ZIM2: variants seen among roughly 807,000 people sequenced by gnomAD.
ZIM2 encodes zinc finger imprinted 2.
In ZIM2, 14 loss-of-function variants were observed where a neutral mutation model predicts 38.6. That is an observed-to-expected ratio of 0.36 (90% CI 0.24 to 0.57). The LOEUF (loss-of-function observed/expected upper bound fraction) is 0.57, where lower values mean the gene tolerates loss of function less well. Among genes scored for constraint, ZIM2 ranks in the 20% least tolerant of loss-of-function variants. ZIM2 has a pLI of 0.81. For synonymous variants in ZIM2, 247 were observed against 245.8 expected (o/e 1.00, Z -0.04); for missense variants, 680 against 695.1 (o/e 0.98, Z 0.24).
rs541212921 is a variant in ZIM2, at chr19:56,797,111, A to G, written c.491-7160T>C. 7.9e-5 allele frequency among the ~76,000 whole-genome samples: 12 copies of G among 152,290 alleles called. No homozygotes were observed. In the East Asian group the frequency reaches 2.3e-3, roughly 29 times the overall value. On this transcript the variant is annotated intron_variant, in intron 9 of 12. Transcript: ENST00000629319. ...CAGATGACCTGAGGTCAAGAGTTTGAGACCAGCCTAATCAACATGGTGAGA... is the reference window on the plus strand; with the variant it reads ...CAGATGACCTGAGGTCAAGAGTTTGGGACCAGCCTAATCAACATGGTGAGA...
Position 56,824,751 on chromosome 19 carries a change from G to C in ZIM2, c.-150-324C>G, listed in dbSNP as rs548648877. On this transcript the variant is annotated intron_variant, in intron 3 of 12. Coordinates refer to ENST00000629319, the MANE Select transcript of ZIM2 (RefSeq NM_001387356.1). The stretch of plus-strand genomic sequence containing the variant: ...GTCAGTACTCAGGGACCTGTGGATC[G>C]TAAGGAGATATACACATGTCCCAGA... 4.2e-6 allele frequency: 5 copies of C among 1,198,554 alleles called. No individual in the cohort carries two copies. The Admixed American group carries it at 1.1e-4, about 28-fold the overall frequency. 74.2% of individuals were successfully genotyped at this position (1,198,554 alleles called of 1,614,324 possible).
intron 9 of ZIM2, chr19:56,816,752 C>T (rs763845364): frequency 5.6e-6 from 9 of 1,614,120 alleles, no homozygotes; most frequent in South Asian, 3.3e-5. Context: ...ACCCTGCACT[C>T]GTAGAATTTG....
At chr19:56,811,954 C>G in intron 9 of ZIM2, 2 of 985,346 alleles carry the variant, frequency 2.0e-6, no homozygotes, top group Non-Finnish European at 2.4e-6. Flanking sequence ...TTCTTGCTCT[C>G]AGCTCTACAA....
At chr19:56,817,691 T>G (rs931279574) in intron 9 of ZIM2, 55 bp downstream of exon 9, 3 of 1,564,530 alleles carry the variant, frequency 1.9e-6, no homozygotes, top group Non-Finnish European at 2.6e-6. Context: ...TAGAAGTTCC[T>G]TGATAGCATC....
chr19:56,822,365 G>A (rs1431528741), intron 6 of ZIM2: 1 of 196,760 alleles, frequency 5.1e-6, no homozygotes, highest in Admixed American at 5.5e-5. Flanking sequence ...TAACACTGCA[G>A]GAAGTCATGG....
In ZIM2 at chr19:56,818,721, A is replaced by G; in HGVS notation, c.295-19T>C. 1 of 1,613,170 alleles carries G rather than the reference A, an allele frequency of 6.2e-7. No homozygotes were observed. The highest frequency in any genetic ancestry group is 8.5e-7 in the Non-Finnish European group (1 of 1,179,210). ...CAGCATCCTAAAACAGCAAACACAG[A>G]CCTCTCAATGGAGTCTGTCCCCACC... On this transcript the variant is annotated intron_variant, in intron 7 of 12. Coordinates refer to ENST00000629319, the MANE Select transcript of ZIM2 (RefSeq NM_001387356.1).
At chr19:56,780,155 C>T (rs578017407) in intron 11 of ZIM2, among the ~76,000 whole-genome samples, 8 of 152,120 alleles carry the variant, frequency 5.3e-5, no homozygotes, top group East Asian at 1.9e-4. Context: ...GGCATTTCTA[C>T]GTGCCATTTA....
chr19:56,812,695 A>G (rs1022307336), intron 9 of ZIM2: 1 of 985,312 alleles, frequency 1.0e-6, no homozygotes, highest in Non-Finnish European at 1.2e-6. Context: ...CTCAACCTTC[A>G]TTAGGCACTA....
intron 2 of ZIM2, among the ~76,000 whole-genome samples, chr19:56,830,090 A>G (rs184965782): frequency 6.6e-6 from 1 of 152,378 alleles, no homozygotes; most frequent in Non-Finnish European, 1.5e-5. Flanking sequence ...CTGTGCTTGA[A>G]GATGTATGAA....
At chr19:56,819,300 C>T (rs185288899) in intron 7 of ZIM2, among the ~76,000 whole-genome samples, 1 of 152,336 alleles carries the variant, frequency 6.6e-6, no homozygotes, top group African/African-American at 2.4e-5. Flanking sequence ...CTCCAGTTTG[C>T]ACAATTTCCA....
intron 2 of ZIM2, among the ~76,000 whole-genome samples, chr19:56,827,710 A>T (rs1247943433): frequency 6.6e-6 from 1 of 152,214 alleles, no homozygotes; most frequent in African/African-American, 2.4e-5. Context: ...AATAGACAAG[A>T]TATGTTATGT....
chr19:56,817,612 A>G, intron 9 of ZIM2, 134 bp downstream of exon 9: 1 of 1,555,692 alleles, frequency 6.4e-7, no homozygotes, highest in South Asian at 1.2e-5. Context: ...AATACTCCCT[A>G]GTCCCCATAA....
At chr19:56,832,345 C>T (rs1311118439) in intron 2 of ZIM2, among the ~76,000 whole-genome samples, 1 of 152,132 alleles carries the variant, frequency 6.6e-6, no homozygotes, top group Non-Finnish European at 1.5e-5. Flanking sequence ...CCTGTGGTCA[C>T]CATCTGTACC....
At chr19:56,796,332 G>A (rs768689098) in intron 9 of ZIM2, among the ~76,000 whole-genome samples, 8 of 152,188 alleles carry the variant, frequency 5.3e-5, no homozygotes, top group African/African-American at 1.7e-4. Context: ...TTGACAGTAC[G>A]CAGCACACAT....
intron 9 of ZIM2, among the ~76,000 whole-genome samples, chr19:56,797,797 T>C (rs543510378): frequency 1.3e-5 from 2 of 152,262 alleles, no homozygotes; most frequent in South Asian, 2.1e-4. Context: ...AAGGTACCTA[T>C]GGGAGACTAC....
intron 9 of ZIM2, 71 bp downstream of exon 9, chr19:56,817,675 A>G (rs1234168243): frequency 1.1e-5 from 17 of 1,542,858 alleles, no homozygotes; most frequent in East Asian, 2.2e-5. Flanking sequence ...TTAGGAATGC[A>G]AAGTGTAGAA....
chr19:56,780,416 G>A lies in ZIM2; in HGVS notation c.740-944C>T, dbSNP rs548079340. Among the ~76,000 whole-genome samples the A allele has an allele frequency of 1.2e-4, 18 of 151,660 alleles. No homozygotes were observed. The East Asian group carries it at 1.4e-3, about 11-fold the overall frequency. ...CGCCACCATACCCAGCTAATTTTTCGTAGTTTTAGTAGAGACGGGGTTTCA... is the reference window on the plus strand; with the variant it reads ...CGCCACCATACCCAGCTAATTTTTCATAGTTTTAGTAGAGACGGGGTTTCA... On this transcript the variant is annotated intron_variant, in intron 11 of 12. Transcript: ENST00000629319.
At chr19:56,829,942 G>C (rs572286385) in intron 2 of ZIM2, among the ~76,000 whole-genome samples, 1 of 152,232 alleles carries the variant, frequency 6.6e-6, no homozygotes, top group South Asian at 2.1e-4. Context: ...CAGAAGATAC[G>C]TGTTTGCAGG....
At chr19:56,823,404 G>A (rs1420482420) in intron 5 of ZIM2, among the ~76,000 whole-genome samples, 186 bp downstream of exon 5, 1 of 152,182 alleles carries the variant, frequency 6.6e-6, no homozygotes, top group African/African-American at 2.4e-5. Context: ...TATTTAAGGT[G>A]TCTGTTTAGA....
Sources: allele counts gnomAD v4.1 joint callset (sites outside exome capture counted in the v4.1 genomes callset), GRCh38; gene constraint gnomAD v4.1.1; transcripts MANE v1.5; gene names NCBI Gene and HGNC (gene_info 2026-07-23, HGNC 2026-07-21).